Variants in TTC19 observed in about 807,000 individuals in gnomAD.
TTC19 encodes tetratricopeptide repeat protein 19, mitochondrial.
TTC19 carries 38 observed loss-of-function variants against 49.5 expected under a neutral mutation model. That is an observed-to-expected ratio of 0.77 (90% CI 0.59 to 1.01). The LOEUF (loss-of-function observed/expected upper bound fraction) is 1.01. Among genes scored for constraint, TTC19 ranks in the 50% least tolerant of loss-of-function variants. TTC19 has a pLI of 0.00. For missense variants in TTC19, 475 were observed against 477.7 expected, an observed-to-expected ratio of 0.99 and a Z score of 0.05; for synonymous variants, 204 against 185.2, an observed-to-expected ratio of 1.10 and a Z score of -0.83.
At chr17:16,018,383 C>T (rs576662078) in intron 7 of TTC19, among the ~76,000 whole-genome samples, 12 of 152,330 alleles carry the variant, frequency 7.9e-5, no homozygotes, top group African/African-American at 2.9e-4. Flanking sequence ...GACCTCTCTT[C>T]TCTATCCTTC....
intron 7 of TTC19, among the ~76,000 whole-genome samples, chr17:16,022,722 A>G (rs1971422582): frequency 6.6e-6 from 1 of 152,200 alleles, no homozygotes; most frequent in African/African-American, 2.4e-5. Context: ...CCTGGAATAA[A>G]TGCTGTTTGG....
At position 16,000,122 on chromosome 17, in the gene TTC19, C is replaced by G. The variant is rs897907546; in HGVS notation, c.189C>G (p.Leu63=). The stretch of plus-strand genomic sequence containing the variant: ...CCTCAGAGCCCCTTCCCGCAGCGCT[C>G]GCCTGGTTCTCGAGGCCCGCTGCGG... The part of the protein sequence containing the change: ...GPGLLPLLAA[L]AWFSRPAAAE... Residue 63 remains leucine (L), a synonymous_variant, in exon 2 of 10, where the codon CTC becomes CTG. Coordinates refer to ENST00000261647, the MANE Select transcript of TTC19 (RefSeq NM_017775.4). The G allele has an allele frequency of 7.1e-6, 11 of 1,560,162 alleles. No individual in the cohort carries two copies. The highest frequency in any genetic ancestry group is 2.3e-5 in the East Asian group (1 of 43,278).
intron 7 of TTC19, among the ~76,000 whole-genome samples, chr17:16,021,497 A>G (rs910667272): frequency 7.2e-5 from 11 of 152,244 alleles, no homozygotes; most frequent in African/African-American, 2.7e-4. Context: ...CCAAAGTGCT[A>G]TGTAGATATT....
chr17:16,042,372 T>C (rs995077832), intron 2 of TTC19, among the ~76,000 whole-genome samples: 14 of 152,218 alleles, frequency 9.2e-5, no homozygotes, highest in African/African-American at 2.7e-4. Flanking sequence ...TGATCAAAAA[T>C]GGTCAGATGA....
chr17:16,044,762 G>T, exon 3 of TTC19: 1 of 869,982 alleles, frequency 1.1e-6, no homozygotes, highest in Non-Finnish European at 1.9e-6. Context: ...CAGCTTGTTT[G>T]CAATGGCCCT....
rs550001484 is a variant in TTC19, at chr17:16,040,700, G to A, written c.248-3803G>A. The A allele has an allele frequency of 1.7e-5, 10 of 589,336 alleles. No individual in the cohort carries two copies. In the East Asian group the frequency reaches 3.1e-4, roughly 18 times the overall value. The allele number at this position is 589,336 out of a possible 1,614,324, so 36.5% of individuals were successfully genotyped here. A position where few individuals can be genotyped will look rare whatever the true frequency, so the allele number is the denominator to read the frequency against. ...CTCTGTTGCCCAGGCTATTTTTAAA[G>A]GGAAATCAGGAAATAGGTAAGGTAG... On this transcript the variant is annotated intron_variant, in intron 2 of 2. Transcript: ENST00000470649.
chr17:16,032,272 C>A, downstream of TTC19: 1 of 1,584,988 alleles, frequency 6.3e-7, no homozygotes, highest in Admixed American at 1.9e-5. Flanking sequence ...TCTCCTGCAC[C>A]CTGTTCCCCT....
chr17:16,023,447 A>G (rs1971444615), intron 7 of TTC19: 1 of 152,224 alleles, frequency 6.6e-6, no homozygotes, highest in Admixed American at 6.5e-5. Flanking sequence ...CTTTGGAAAC[A>G]AGACATCATT....
chr17:16,004,183 A>G lies in TTC19; in HGVS notation c.520-18A>G. The G allele has an allele frequency of 6.2e-7, 1 of 1,613,074 alleles. No homozygotes were observed. The highest frequency in any genetic ancestry group is 8.5e-7 in the Non-Finnish European group (1 of 1,178,966). ...AATTTACTTGTTATGAGTTCCCTTC[A>G]TTCTCTTTCTCTCACAGGAGGACAA... On this transcript the variant is annotated intron_variant, in intron 5 of 9. Transcript: ENST00000261647.
chr17:16,040,225 A>G (rs2057309203), intron 2 of TTC19: 1 of 656,024 alleles, frequency 1.5e-6, no homozygotes. Flanking sequence ...TAATAGTTTC[A>G]TTCTTTTTGT....
intron 7 of TTC19, among the ~76,000 whole-genome samples, chr17:16,011,614 A>AGTGTTTT (rs1971072028): frequency 6.6e-6 from 1 of 152,188 alleles, no homozygotes. Flanking sequence ...TTTAAAGTGG[A>AGTGTTTT]TTCTTAGCAC....
chr17:16,016,767 A>T (rs938608129), intron 7 of TTC19, among the ~76,000 whole-genome samples: 3 of 152,118 alleles, frequency 2.0e-5, no homozygotes, highest in Non-Finnish European at 4.4e-5. Flanking sequence ...CATGTTGTCC[A>T]GGCTGGTCTC....
At chr17:16,012,957 C>G (rs1971117302) in intron 7 of TTC19, among the ~76,000 whole-genome samples, 1 of 152,178 alleles carries the variant, frequency 6.6e-6, no homozygotes. Context: ...AACCCCAACA[C>G]TTTGGGAGGC....
At position 16,000,032 on chromosome 17, in the gene TTC19, G is replaced by A. The variant is rs1970666768; in HGVS notation, c.184G>A (p.Ala62Thr). The change falls in exon 1 of 10, where the codon GCG becomes ACG. Residue 62 changes from alanine (A) to threonine (T), a missense_variant and splice_region_variant. By Grantham distance (58) the Ala-to-Thr change is moderately conservative (BLOSUM62 0). Transcript: ENST00000261647. ...RGPGLLPLLA[A>T]LAWFSRPAAA... ...CCCAGGCCTGCTGCCGCTGCTGGCAGGTGAGGGGCGCGGGCCGGGCGGGGC... is the reference window on the plus strand; with the variant it reads ...CCCAGGCCTGCTGCCGCTGCTGGCAAGTGAGGGGCGCGGGCCGGGCGGGGC... 1 of 1,258,680 alleles carries A rather than the reference G, an allele frequency of 7.9e-7. No individual in the cohort carries two copies. Among genetic ancestry groups the A allele is most frequent in the Non-Finnish European group, 1.0e-6 (1 of 1,004,698 alleles). The allele number at this position is 1,258,680 out of a possible 1,614,324, so 78.0% of individuals were successfully genotyped here. A position where few individuals can be genotyped will look rare whatever the true frequency, so the allele number is the denominator to read the frequency against.
chr17:16,021,401 CAA>C (rs973478594), intron 7 of TTC19, among the ~76,000 whole-genome samples: 1 of 151,936 alleles, frequency 6.6e-6, no homozygotes. Context: ...AAAGAAAAAA[CAA>C]AAAAACAAAG....
chr17:16,008,862 C>A (rs1597455073), intron 7 of TTC19, among the ~76,000 whole-genome samples: 1 of 152,184 alleles, frequency 6.6e-6, no homozygotes, highest in Non-Finnish European at 1.5e-5. Flanking sequence ...TCCCACCTTA[C>A]TATTGCTCTA....
intron 7 of TTC19, among the ~76,000 whole-genome samples, chr17:16,014,454 T>C (rs910008722): frequency 1.3e-5 from 2 of 152,250 alleles, no homozygotes; most frequent in African/African-American, 4.8e-5. Flanking sequence ...TTTCTTCATA[T>C]AGATGACAGC....
intron 8 of TTC19, among the ~76,000 whole-genome samples, chr17:16,026,234 T>TA (rs1275821788): frequency 6.6e-6 from 1 of 152,208 alleles, no homozygotes; most frequent in Non-Finnish European, 1.5e-5. Context: ...ATAATATGTG[T>TA]AGCTTCTTGC....
intron 2 of TTC19, chr17:16,035,006 T>G: frequency 6.7e-7 from 1 of 1,488,018 alleles, no homozygotes; most frequent in East Asian, 2.3e-5. Context: ...ACCAAAATGC[T>G]AATGATTATA....
Sources: gnomAD v4.1 joint callset for allele counts (sites outside exome capture counted in the v4.1 genomes callset) on GRCh38, gnomAD v4.1.1 for gene constraint, MANE v1.5 for transcripts, NCBI Gene and HGNC (gene_info 2026-07-23, HGNC 2026-07-21) for gene names.